SRCIN1: variants seen among roughly 807,000 people sequenced by gnomAD.
SRCIN1 encodes the protein SRC kinase signaling inhibitor 1, also known as P130Cas-associated protein.
In SRCIN1, 50 loss-of-function variants were observed where a neutral mutation model predicts 116.2. The ratio of observed to expected loss-of-function variants is 0.43; its 90% CI spans 0.34 to 0.54. The LOEUF (loss-of-function observed/expected upper bound fraction) is 0.54. SRCIN1 is among the 20% of genes least tolerant of loss of function. The probability of loss-of-function intolerance (pLI) is 0.02; values close to 1 mark genes in which losing one functional copy is unlikely to be tolerated. For missense variants in SRCIN1, 1,446 were observed against 1,672.0 expected (o/e 0.86, Z 2.36); for synonymous variants, 736 against 750.0 (o/e 0.98, Z 0.30).
At position 38,578,485 on chromosome 17, in the gene SRCIN1, C is replaced by T; in HGVS notation, c.324+5G>A. 1.3e-6 allele frequency: 2 copies of T among 1,576,720 alleles called. No individual in the cohort carries two copies. Among genetic ancestry groups the T allele is most frequent in the Non-Finnish European group, 8.7e-7 (1 of 1,155,594 alleles). On this transcript the variant is annotated splice_donor_5th_base_variant and intron_variant, in intron 2 of 18. Transcript: ENST00000617146. ...AGCCGCAGCCGCAGCCGGGAGCCCA[C>T]TCACCTGCTCTCGCATCCTGTCCTG...
chr17:38,555,907 A>G (rs1198707604), intron 11 of SRCIN1, among the ~76,000 whole-genome samples: 1 of 152,178 alleles, frequency 6.6e-6, no homozygotes, highest in South Asian at 2.1e-4. Context: ...CATGTAAAGG[A>G]CTCAAATAAG....
intron 18 of SRCIN1, among the ~76,000 whole-genome samples, chr17:38,535,542 C>A (rs933487246): frequency 6.6e-6 from 1 of 152,098 alleles, no homozygotes; most frequent in Non-Finnish European, 1.5e-5. Flanking sequence ...CTCTGCTCAT[C>A]CATTACTCAA....
rs1906338638 is a variant in SRCIN1, at chr17:38,562,473, C to T, written c.835-145G>A. 2.8e-6 allele frequency: 3 copies of T among 1,058,830 alleles called. No individual in the cohort carries two copies. Among genetic ancestry groups the T allele is most frequent in the South Asian group, 3.6e-5 (2 of 55,012 alleles). 65.6% of individuals were successfully genotyped at this position (1,058,830 alleles called of 1,614,324 possible). ...CCCTCCATCCTGCTGCGTCTAGGGT[C>T]CCTTTCCCATCAGGGTTCCTAGCAT... On this transcript the variant is annotated intron_variant, in intron 6 of 18. Coordinates refer to ENST00000617146, the MANE Select transcript of SRCIN1 (RefSeq NM_025248.3). This position sits in a 1 kb window ranked among gnomAD's most constrained non-coding sequence, Gnocchi z 4.2.
At chr17:38,584,148 G>C (rs1161179912) in intron 1 of SRCIN1, among the ~76,000 whole-genome samples, 2 of 152,176 alleles carry the variant, frequency 1.3e-5, no homozygotes, top group Non-Finnish European at 2.9e-5. Context: ...GAGAGGGATA[G>C]GGGCATTGCG....
chr17:38,604,171 G>A lies in SRCIN1; in HGVS notation c.22+1513C>T, dbSNP rs1158664827. Among the ~76,000 whole-genome samples, 2 of 152,042 alleles carry A rather than the reference G, an allele frequency of 1.3e-5. No individual in the cohort carries two copies. Among genetic ancestry groups the A allele is most frequent in the African/African-American group, 2.4e-5 (1 of 41,382 alleles). Reference sequence around the variant, plus strand: ...CACCCAGACCAAGATACCAAGAGTCGGGAAGAAGGTATCCTGACGACCCCC... The same window carrying A: ...CACCCAGACCAAGATACCAAGAGTCAGGAAGAAGGTATCCTGACGACCCCC... On this transcript the variant is annotated intron_variant, in intron 1 of 18. Coordinates refer to ENST00000617146, the MANE Select transcript of SRCIN1 (RefSeq NM_025248.3). This position sits in a 1 kb window ranked among gnomAD's most constrained non-coding sequence, Gnocchi z 4.3.
intron 14 of SRCIN1, 110 bp downstream of exon 14, chr17:38,551,776 C>T: frequency 6.3e-7 from 1 of 1,578,336 alleles, no homozygotes; most frequent in Non-Finnish European, 8.6e-7. Flanking sequence ...TGGCCCTCCT[C>T]CCCCAAGGAA....
rs1555609841 is a variant in SRCIN1, at chr17:38,566,866, T to TCC, written c.345+1344_345+1345insGG. Among the ~76,000 whole-genome samples, 112 of 132,012 alleles carry TCC rather than the reference T, an allele frequency of 8.5e-4. 1 individual carries two copies. The highest frequency in any genetic ancestry group is 1.6e-3 in the Non-Finnish European group (98 of 62,366). The allele number at this position is 132,012 out of a possible 152,430, so 86.6% of individuals were successfully genotyped here. On this transcript the variant is annotated intron_variant, in intron 3 of 18. Transcript: ENST00000617146. ...TTTTGTTTTGTTTTGTTTTGTTTCG[T>TCC]TTCCTTCCTTCCTTCCTTCCTTCCT...
At chr17:38,600,857 C>A (rs1908983236) in intron 1 of SRCIN1, among the ~76,000 whole-genome samples, 1 of 152,250 alleles carries the variant, frequency 6.6e-6, no homozygotes, top group African/African-American at 2.4e-5. Flanking sequence ...CCCAACCCTG[C>A]CCCCAGCATG....
intron 2 of SRCIN1, among the ~76,000 whole-genome samples, chr17:38,577,269 A>G (rs1907473473): frequency 6.6e-6 from 1 of 152,084 alleles, no homozygotes; most frequent in Admixed American, 6.5e-5. Context: ...CCTTCTCCTC[A>G]AGCCAGTGCA....
At position 38,604,195 on chromosome 17, in the gene SRCIN1, C is replaced by A. The variant is rs1006897810; in HGVS notation, c.22+1489G>T. Among the ~76,000 whole-genome samples the A allele has an allele frequency of 6.6e-6, 1 of 152,074 alleles. No homozygotes were observed. The highest frequency in any genetic ancestry group is 1.5e-5 in the Non-Finnish European group (1 of 68,010). On this transcript the variant is annotated intron_variant, in intron 1 of 18. Transcript: ENST00000617146. The surrounding 1 kb of genome is among the most constrained non-coding windows in gnomAD (Gnocchi z 4.3). ...CGGGAAGAAGGTATCCTGACGACCC[C>A]CCAAAAGTGCTCAAACCCCACCCAA... is the stretch of plus-strand genomic sequence containing the variant.
At position 38,554,079 on chromosome 17, in the gene SRCIN1, C is replaced by T. The variant is rs182816238; in HGVS notation, c.2202-1224G>A. On this transcript the variant is annotated intron_variant, in intron 11 of 18. Transcript: ENST00000617146. ...TACAAAAATTTGCTGGCCATGGTGG[C>T]GTGCGGCTGTAATCCCAGCTACTTG... Among the ~76,000 whole-genome samples the T allele has an allele frequency of 4.1e-4, 62 of 152,208 alleles. 1 individual carries two copies. The highest frequency in any genetic ancestry group is 1.2e-3 in the South Asian group (6 of 4,830).
In SRCIN1 at chr17:38,560,092, T is replaced by A; in HGVS notation, c.1799A>T (p.Lys600Met). The A allele has an allele frequency of 6.4e-7, 1 of 1,552,240 alleles. No homozygotes were observed. Among genetic ancestry groups the A allele is most frequent in the Non-Finnish European group, 8.7e-7 (1 of 1,147,832 alleles). Residue 600 changes from lysine to methionine, a missense_variant, in exon 9 of 19, where the codon AAG becomes ATG. Lys to Met is a moderately conservative substitution (Grantham distance 95). Coordinates refer to ENST00000617146, the MANE Select transcript of SRCIN1 (RefSeq NM_025248.3). ...GGCTGCTCCATTGGAGCCTTCAATC[T>A]TCTCGCTGTGGCACAGGGAAAAAAG... Reference protein sequence around the residue: ...RGSEPETPSEKIEGSNGAATP... With the variant: ...RGSEPETPSEMIEGSNGAATP...
At position 38,551,167 on chromosome 17, in the gene SRCIN1, TC is replaced by T; in HGVS notation, c.2949del (p.Arg984GlyfsTer7). On this transcript the variant is annotated frameshift_variant, in exon 15 of 19. Coordinates refer to ENST00000617146, the MANE Select transcript of SRCIN1 (RefSeq NM_025248.3). LOFTEE classifies it high-confidence loss of function. ...CTACTCCCCATACCTGAGCCCCTCC[TC>T]CCACTGGGCTCCGTTCGGGGGGCTG... ...QKAAPRTEPS[G>X]RRGSDELTVP... 1 of 1,550,056 alleles carries T rather than the reference TC, an allele frequency of 6.5e-7. No homozygotes were observed. Among genetic ancestry groups the T allele is most frequent in the Non-Finnish European group, 8.8e-7 (1 of 1,136,896 alleles).
At chr17:38,593,505 G>A (rs887736550) in intron 1 of SRCIN1, among the ~76,000 whole-genome samples, 6 of 152,042 alleles carry the variant, frequency 3.9e-5, no homozygotes, top group African/African-American at 1.5e-4. Flanking sequence ...TAGAGACTGG[G>A]ACTCTCTCTC....
chr17:38,558,289 G>T lies in SRCIN1; in HGVS notation c.2139C>A (p.Thr713=). 1 of 1,612,288 alleles carries T rather than the reference G, an allele frequency of 6.2e-7. No homozygotes were observed. Residue 713 remains threonine, a synonymous_variant, in exon 11 of 19, where the codon ACC becomes ACA. Coordinates refer to ENST00000617146, the MANE Select transcript of SRCIN1 (RefSeq NM_025248.3). The surrounding 1 kb of genome is among the most constrained non-coding windows in gnomAD (Gnocchi z 4.6). ...RQEDPLQRQR[T]LVEEERLRYL... ...AGCGCAGCCGTTCCTCTTCCACCAG[G>T]GTGCGCTGCCGCTGCAGCGGGTCCT...
intron 18 of SRCIN1, among the ~76,000 whole-genome samples, chr17:38,538,898 C>T (rs537847114): frequency 2.0e-5 from 3 of 151,920 alleles, no homozygotes; most frequent in African/African-American, 7.3e-5. Flanking sequence ...TTCATGTCCT[C>T]ACCTGCAAAC....
At chr17:38,573,010 GATA>G (rs1907199121) in intron 2 of SRCIN1, among the ~76,000 whole-genome samples, 1 of 152,010 alleles carries the variant, frequency 6.6e-6, no homozygotes, top group Non-Finnish European at 1.5e-5. Context: ...GCGGTCACCC[GATA>G]CGCCGGCCTG....
At chr17:38,596,784 G>C (rs755683878) in intron 1 of SRCIN1, among the ~76,000 whole-genome samples, 5 of 152,044 alleles carry the variant, frequency 3.3e-5, no homozygotes, top group Non-Finnish European at 7.4e-5. Context: ...TTCACACTGT[G>C]CTAGGAGCAC....
chr17:38,599,079 G>T (rs959086628), intron 1 of SRCIN1, among the ~76,000 whole-genome samples: 8 of 151,766 alleles, frequency 5.3e-5, no homozygotes, highest in African/African-American at 1.9e-4. Flanking sequence ...CTTAGCTTAA[G>T]CTGGGAAACA....
Sources: allele counts gnomAD v4.1 joint callset (sites outside exome capture counted in the v4.1 genomes callset), GRCh38; gene constraint gnomAD v4.1.1; non-coding constraint Gnocchi (gnomAD v3.1); transcripts MANE v1.5; gene names NCBI Gene and HGNC (gene_info 2026-07-23, HGNC 2026-07-21).